The following LPO variants were observed in gnomAD, a reference collection of about 807,000 sequenced individuals.
The protein encoded by LPO is lactoperoxidase.
LPO carries 70 observed loss-of-function variants against 68.4 expected under a neutral mutation model. The observed-to-expected ratio is 1.02, with a 90% confidence interval of 0.84 to 1.25. The LOEUF (loss-of-function observed/expected upper bound fraction) is 1.25, where lower values mean the gene tolerates loss of function less well. Ranked by LOEUF, LPO falls within the 50% of genes most tolerant of loss-of-function variation. The probability of loss-of-function intolerance (pLI) is 0.00; values close to 1 mark genes in which losing one functional copy is unlikely to be tolerated. For missense variants in LPO, 873 were observed against 908.4 expected (o/e 0.96, Z 0.50); for synonymous variants, 360 against 357.6 (o/e 1.01, Z -0.08).
intron 9 of LPO, among the ~76,000 whole-genome samples, chr17:58,264,273 C>T (rs1970220091): frequency 6.6e-6 from 1 of 152,056 alleles, no homozygotes; most frequent in Non-Finnish European, 1.5e-5. Context: ...AACCAGAAAC[C>T]AGTCTTTCCA....
intron 1 of LPO, 144 bp from the exon 2 acceptor site, chr17:58,242,834 C>A: frequency 1.5e-6 from 1 of 665,550 alleles, no homozygotes. Context: ...ATGGTAGATG[C>A]TTCATTCGTT....
intron 4 of LPO, 91 bp downstream of exon 4, chr17:58,247,729 A>T (rs1436897242): frequency 4.3e-6 from 6 of 1,393,818 alleles, no homozygotes; most frequent in Non-Finnish European, 5.9e-6. Flanking sequence ...CTTCCTGTTG[A>T]GAGCTATCTA....
At chr17:58,240,332 T>C (rs1395914141) in intron 1 of LPO, among the ~76,000 whole-genome samples, 1 of 152,200 alleles carries the variant, frequency 6.6e-6, no homozygotes, top group Non-Finnish European at 1.5e-5. Context: ...CAGGCTTTGC[T>C]GCAAATCAAA....
chr17:58,249,116 C>G lies in LPO; in HGVS notation c.382C>G (p.Pro128Ala), dbSNP rs149218134. 3.5e-5 allele frequency: 56 copies of G among 1,614,090 alleles called. No homozygotes were observed. Among genetic ancestry groups the G allele is most frequent in the Non-Finnish European group, 4.7e-5 (55 of 1,180,034 alleles). Residue 128 changes from proline (P) to alanine (A), a missense_variant, in exon 5 of 13, where the codon CCC (proline) becomes GCC (alanine). Coordinates refer to ENST00000262290, the MANE Select transcript of LPO (RefSeq NM_006151.3). ...SLEVGCGAPA[P>A]VVRCDPCSPY... ...GGAGGTGGGCTGTGGTGCTCCTGCT[C>G]CCGTGGTGAGATGCGACCCGTGCAG...
Position 58,238,647 on chromosome 17 carries a change from C to T in LPO, c.-95C>T, listed in dbSNP as rs916519873. On this transcript the variant is annotated 5_prime_UTR_variant, in exon 1 of 13. Coordinates refer to ENST00000262290, the MANE Select transcript of LPO (RefSeq NM_006151.3). Reference sequence around the variant, plus strand: ...CAAAATCTTTCCTTCTGGGCCTTTCCCAGAAGTGAATTCTTGCTGGAAGGT... The same window carrying T: ...CAAAATCTTTCCTTCTGGGCCTTTCTCAGAAGTGAATTCTTGCTGGAAGGT... The T allele has an allele frequency of 2.6e-5, 4 of 152,188 alleles. No homozygotes were observed. Among genetic ancestry groups the T allele is most frequent in the African/African-American group, 9.7e-5 (4 of 41,410 alleles). The allele number at this position is 152,188 out of a possible 1,614,324, so 9.4% of individuals were successfully genotyped here.
At chr17:58,240,344 G>A (rs1969732210) in intron 1 of LPO, among the ~76,000 whole-genome samples, 1 of 152,146 alleles carries the variant, frequency 6.6e-6, no homozygotes, top group Non-Finnish European at 1.5e-5. Flanking sequence ...CAAATCAAAG[G>A]GCTTGGGAAA....
rs143814979 is a variant in LPO, at chr17:58,264,735, G to A, written c.1280G>A (p.Arg427Lys). The A allele has an allele frequency of 5.6e-6, 9 of 1,613,924 alleles. No individual in the cohort carries two copies. Among genetic ancestry groups the A allele is most frequent in the Non-Finnish European group, 7.6e-6 (9 of 1,180,012 alleles). The change falls in exon 10 of 13, where the codon AGG becomes AAG. Residue 427 changes from arginine (R) to lysine (K), a missense_variant. Transcript: ENST00000262290. Reference protein sequence around the residue: ...LGAFVQIITFRDYLPILLGDH... With the variant: ...LGAFVQIITFKDYLPILLGDH... Reference sequence around the variant, plus strand: ...TTCTCCCTCCAGATTATCACCTTTAGGGACTACCTACCCATTTTGCTAGGT... The same window carrying A: ...TTCTCCCTCCAGATTATCACCTTTAAGGACTACCTACCCATTTTGCTAGGT...
intron 2 of LPO, chr17:58,243,690 T>A (rs1448331194): frequency 1.4e-5 from 6 of 442,934 alleles, no homozygotes. Context: ...ACCAGAGAAA[T>A]CCCCACAGTC....
At chr17:58,258,225 T>C (rs919540404) in intron 9 of LPO, among the ~76,000 whole-genome samples, 1 of 152,240 alleles carries the variant, frequency 6.6e-6, no homozygotes, top group African/African-American at 2.4e-5. Flanking sequence ...CCCAGACCAA[T>C]GTCCTGGAGA....
chr17:58,257,903 T>G (rs1042877083), intron 9 of LPO, among the ~76,000 whole-genome samples: 3 of 152,246 alleles, frequency 2.0e-5, no homozygotes, highest in Admixed American at 6.5e-5. Flanking sequence ...TGAGCACCTT[T>G]TCATATGCCT....
chr17:58,262,672 C>T (rs1001575187), intron 9 of LPO, among the ~76,000 whole-genome samples: 2 of 152,202 alleles, frequency 1.3e-5, no homozygotes, highest in African/African-American at 2.4e-5. Context: ...GGATTGCAGG[C>T]GTGAGCCACC....
chr17:58,254,795 C>A lies in LPO; in HGVS notation c.1106-16C>A. On this transcript the variant is annotated splice_polypyrimidine_tract_variant and intron_variant, in intron 8 of 12. Transcript: ENST00000262290. The stretch of plus-strand genomic sequence containing the variant: ...CTGTTAGGGAGAATCTACCTTCCTG[C>A]CTTCTGGGCTTTCAGGAGATTCTCG... 6.2e-7 allele frequency: 1 copy of A among 1,613,402 alleles called. No individual in the cohort carries two copies. Among genetic ancestry groups the A allele is most frequent in the East Asian group, 2.2e-5 (1 of 44,878 alleles).
intron 6 of LPO, among the ~76,000 whole-genome samples, chr17:58,250,211 G>T (rs928024240): frequency 6.6e-6 from 1 of 152,140 alleles, no homozygotes; most frequent in African/African-American, 2.4e-5. Flanking sequence ...CTTTGTAGCG[G>T]CAGGACCTTG....
At chr17:58,241,303 G>A (rs1341345162) in intron 1 of LPO, among the ~76,000 whole-genome samples, 1 of 151,656 alleles carries the variant, frequency 6.6e-6, no homozygotes, top group Non-Finnish European at 1.5e-5. Flanking sequence ...TAGAGACAGG[G>A]TTTTACCACA....
In LPO at chr17:58,252,164, T is replaced by C; in HGVS notation, c.781-18T>C. 3.1e-6 allele frequency: 5 copies of C among 1,610,610 alleles called. No homozygotes were observed. The highest frequency in any genetic ancestry group is 4.2e-6 in the Non-Finnish European group (5 of 1,177,500). ...TGTTCCACCCCTGCCCAGTCACTTA[T>C]GCCCACTCTCTCTGCAGTTCCCACC... On this transcript the variant is annotated intron_variant, in intron 7 of 12. Transcript: ENST00000262290.
intron 1 of LPO, among the ~76,000 whole-genome samples, chr17:58,241,538 C>G (rs1374714813): frequency 6.6e-6 from 1 of 152,104 alleles, no homozygotes; most frequent in Admixed American, 6.6e-5. Context: ...CCTGAAGTTG[C>G]AAAATATGGT....
intron 9 of LPO, among the ~76,000 whole-genome samples, chr17:58,264,103 G>A (rs983768007): frequency 2.6e-5 from 4 of 152,142 alleles, no homozygotes; most frequent in Admixed American, 6.5e-5. Flanking sequence ...AGAATGCACA[G>A]GTATGCATTC....
chr17:58,240,780 T>C (rs1969739802), intron 1 of LPO, among the ~76,000 whole-genome samples: 1 of 152,222 alleles, frequency 6.6e-6, no homozygotes, highest in Non-Finnish European at 1.5e-5. Flanking sequence ...CTGTCTCAGA[T>C]GATGTCTTTT....
chr17:58,252,657 G>C, intron 8 of LPO, 151 bp downstream of exon 8: 1 of 706,588 alleles, frequency 1.4e-6, no homozygotes, highest in South Asian at 1.9e-5. Flanking sequence ...GAAGGGCCCA[G>C]ATGAATAAAG....
Sources: allele counts gnomAD v4.1 joint callset (sites outside exome capture counted in the v4.1 genomes callset), GRCh38; gene constraint gnomAD v4.1.1; transcripts MANE v1.5; gene names NCBI Gene and HGNC (gene_info 2026-07-23, HGNC 2026-07-21).